SLIT3: variants seen among roughly 807,000 people sequenced by gnomAD.
SLIT3 encodes the protein slit homolog 3 protein.
Under a neutral mutation model 184.0 loss-of-function variants are expected in SLIT3, and 68 were observed. That is an observed-to-expected ratio of 0.37 (90% CI 0.30 to 0.45). The LOEUF (loss-of-function observed/expected upper bound fraction) is 0.45. Among genes scored for constraint, SLIT3 ranks in the 20% least tolerant of loss-of-function variants. SLIT3 has a pLI of 1.00. For synonymous variants in SLIT3, 831 were observed against 828.6 expected, an observed-to-expected ratio of 1.00 and a Z score of -0.05; for missense variants, 1,707 against 2,026.0, an observed-to-expected ratio of 0.84 and a Z score of 3.02.
At chr5:169,147,055 T>A (rs1761949564) in intron 4 of SLIT3, among the ~76,000 whole-genome samples, 1 of 152,220 alleles carries the variant, frequency 6.6e-6, no homozygotes, top group Non-Finnish European at 1.5e-5. Context: ...TTGTCTGTCA[T>A]ACTGGATTGA....
intron 6 of SLIT3, among the ~76,000 whole-genome samples, chr5:168,838,083 G>A (rs1758112532): frequency 6.6e-6 from 1 of 152,172 alleles, no homozygotes; most frequent in South Asian, 2.1e-4. Context: ...AGTTTTCTGG[G>A]CATTCACTAC....
Position 168,685,736 on chromosome 5 carries a change from A to G in SLIT3, c.3506T>C (p.Val1169Ala), listed in dbSNP as rs755410714. The G allele has an allele frequency of 6.3e-7, 1 of 1,596,024 alleles. No individual in the cohort carries two copies. ...TVNFVGKDSY[V>A]ELASAKVRPQ... ...TCGGACCTTGGCGGAGGCCAGTTCC[A>G]CGTAGGAGTCTTTGCCCACGAAGTT... is the stretch of plus-strand genomic sequence containing the variant. Residue 1169 changes from valine to alanine, a missense_variant, in exon 31 of 36, where the codon GTG becomes GCG. Coordinates refer to ENST00000519560, the MANE Select transcript of SLIT3 (RefSeq NM_003062.4).
At position 169,018,865 on chromosome 5, in the gene SLIT3, C is replaced by A. The variant is rs527442305; in HGVS notation, c.414-135529G>T. On this transcript the variant is annotated intron_variant, in intron 4 of 35. Transcript: ENST00000519560. ...TGACTACATCTTTGGAACGGGAACACGCTGACGGCTGTCTGGGACTCCTTT... is the reference window on the plus strand; with the variant it reads ...TGACTACATCTTTGGAACGGGAACAAGCTGACGGCTGTCTGGGACTCCTTT... Among the ~76,000 whole-genome samples the A allele has an allele frequency of 2.6e-5, 4 of 152,194 alleles. No individual in the cohort carries two copies. In the East Asian group the frequency reaches 5.8e-4, roughly 22 times the overall value.
chr5:168,814,179 T>C (rs1224376073), intron 8 of SLIT3, among the ~76,000 whole-genome samples: 1 of 151,954 alleles, frequency 6.6e-6, no homozygotes, highest in Non-Finnish European at 1.5e-5. Flanking sequence ...GTGGATCACC[T>C]GAGGTCAGGG....
Position 169,077,567 on chromosome 5 carries a change from C to G in SLIT3, c.413+115912G>C, listed in dbSNP as rs569491557. Reference sequence around the variant, plus strand: ...AAAACAAAAAACAAAAAACAAAAAACAGTAATACATATAAAATATCTGTTC... The same window carrying G: ...AAAACAAAAAACAAAAAACAAAAAAGAGTAATACATATAAAATATCTGTTC... On this transcript the variant is annotated intron_variant, in intron 4 of 35. Transcript: ENST00000519560. Among the ~76,000 whole-genome samples, 14 of 152,146 alleles carry G rather than the reference C, an allele frequency of 9.2e-5. 1 individual carries two copies. In the South Asian group the frequency reaches 2.9e-3, roughly 32 times the overall value.
chr5:169,299,597 C>G (rs1229371827), intron 1 of SLIT3, among the ~76,000 whole-genome samples: 1 of 152,118 alleles, frequency 6.6e-6, no homozygotes, highest in African/African-American at 2.4e-5. Flanking sequence ...CCCACCCCAA[C>G]TGCGGACTAA....
intron 4 of SLIT3, among the ~76,000 whole-genome samples, chr5:168,938,067 C>T (rs1051706120): frequency 6.6e-6 from 1 of 152,152 alleles, no homozygotes; most frequent in African/African-American, 2.4e-5. Flanking sequence ...CAGAATACGG[C>T]AATAAATCTT....
rs374858659 is a variant in SLIT3 at position 168,858,825 on chromosome 5, C to T, written c.486-14170G>A. On this transcript the variant is annotated intron_variant, in intron 5 of 35. Coordinates refer to ENST00000519560, the MANE Select transcript of SLIT3 (RefSeq NM_003062.4). ...ACAGGCATTCTTGGCATTTACATCC[C>T]GGGGACTCAGCACATCCCCATCAAC... Among the ~76,000 whole-genome samples, 13 of 152,278 alleles carry T rather than the reference C, an allele frequency of 8.5e-5. No individual in the cohort carries two copies. The East Asian group carries it at 1.5e-3, about 18-fold the overall frequency.
Position 169,128,087 on chromosome 5 carries a change from T to C in SLIT3, c.413+65392A>G, listed in dbSNP as rs149739066. Among the ~76,000 whole-genome samples the C allele has an allele frequency of 4.6e-5, 7 of 151,942 alleles. No individual in the cohort carries two copies. In the East Asian group the frequency reaches 1.2e-3, roughly 25 times the overall value. On this transcript the variant is annotated intron_variant, in intron 4 of 35. Transcript: ENST00000519560. The stretch of plus-strand genomic sequence containing the variant: ...AAAACTGTTATTTATTTAATAATTA[T>C]TTAAAAGAAACAGGTAAAATGCTTA...
At chr5:169,137,281 C>G in intron 4 of SLIT3, among the ~76,000 whole-genome samples, 1 of 151,032 alleles carries the variant, frequency 6.6e-6, no homozygotes, top group Non-Finnish European at 1.5e-5. Flanking sequence ...CAATTAATCT[C>G]CCCCTCTTCT....
Position 168,806,573 on chromosome 5 carries a change from G to T in SLIT3, c.808C>A (p.Pro270Thr). The T allele has an allele frequency of 6.2e-7, 1 of 1,614,188 alleles. No individual in the cohort carries two copies. Among genetic ancestry groups the T allele is most frequent in the Non-Finnish European group, 8.5e-7 (1 of 1,180,014 alleles). ...ATGGAGTTGGCATTGCAGGATGGGG[G>T]CTCCGAGTGGGGGGCTGTGGAGCCA... ...EYVCPAPHSE[P>T]PSCNANSISC... The change falls in exon 9 of 36, where the codon CCC (proline) becomes ACC (threonine). Residue 270 changes from proline (P) to threonine (T), a missense_variant. Coordinates refer to ENST00000519560, the MANE Select transcript of SLIT3 (RefSeq NM_003062.4).
At chr5:168,935,436 C>A (rs2113182944) in intron 4 of SLIT3, among the ~76,000 whole-genome samples, 1 of 152,302 alleles carries the variant, frequency 6.6e-6, no homozygotes, top group South Asian at 2.1e-4. Flanking sequence ...TGGATTCCAT[C>A]TTATCTCTAC....
chr5:168,793,178 C>T (rs1303071361), intron 10 of SLIT3, among the ~76,000 whole-genome samples: 1 of 152,146 alleles, frequency 6.6e-6, no homozygotes, highest in Non-Finnish European at 1.5e-5. Flanking sequence ...AAGGTAACCA[C>T]TAGGAATAGG....
At chr5:168,904,723 C>T (rs11746875) in intron 4 of SLIT3, among the ~76,000 whole-genome samples, 1 of 151,872 alleles carries the variant, frequency 6.6e-6, no homozygotes, top group African/African-American at 2.4e-5. Context: ...ATTAGAGAAA[C>T]CCCAAACAAG....
rs990017641 is a variant in SLIT3 at position 168,901,404 on chromosome 5, T to G, written c.414-18068A>C. Among the ~76,000 whole-genome samples the G allele has an allele frequency of 5.6e-5, 6 of 107,200 alleles. No homozygotes were observed. In the South Asian group the frequency reaches 1.9e-3, roughly 35 times the overall value. The allele number at this position is 107,200 out of a possible 152,430, so 70.3% of individuals were successfully genotyped here. On this transcript the variant is annotated intron_variant, in intron 4 of 35. Coordinates refer to ENST00000519560, the MANE Select transcript of SLIT3 (RefSeq NM_003062.4). ...AAAACAAAACAAAACAAAATTGCAC[T>G]TCTACCCCATAAGTTTATACAGATA...
chr5:168,870,416 C>T (rs1413031223), intron 5 of SLIT3, among the ~76,000 whole-genome samples: 1 of 152,202 alleles, frequency 6.6e-6, no homozygotes, highest in Non-Finnish European at 1.5e-5. Context: ...AGGTAATCAC[C>T]TCCCAGTCAA....
intron 4 of SLIT3, among the ~76,000 whole-genome samples, chr5:168,971,198 T>C (rs1310949825): frequency 2.0e-5 from 3 of 152,252 alleles, no homozygotes; most frequent in Admixed American, 1.3e-4. Flanking sequence ...CTAGTGACCA[T>C]TGCCCTATTA....
At chr5:169,181,139 T>C (rs1205053607) in intron 4 of SLIT3, among the ~76,000 whole-genome samples, 3 of 152,232 alleles carry the variant, frequency 2.0e-5, no homozygotes, top group African/African-American at 7.2e-5. Context: ...TAATCCCTAA[T>C]ATCTCACCAT....
At chr5:168,853,570 C>T (rs757758169) in intron 5 of SLIT3, among the ~76,000 whole-genome samples, 2 of 152,204 alleles carry the variant, frequency 1.3e-5, no homozygotes, top group Non-Finnish European at 2.9e-5. Flanking sequence ...TTATTTAACA[C>T]TTACTAAGCA....
Sources: allele counts gnomAD v4.1 joint callset (sites outside exome capture counted in the v4.1 genomes callset), GRCh38; gene constraint gnomAD v4.1.1; transcripts MANE v1.5; gene names NCBI Gene and HGNC (gene_info 2026-07-23, HGNC 2026-07-21).